DIAPH2: variants seen among roughly 807,000 people sequenced by gnomAD.
DIAPH2 encodes the protein protein diaphanous homolog 2.
In DIAPH2, 35 loss-of-function variants were observed where a neutral mutation model predicts 92.7. That is an observed-to-expected ratio of 0.38 (90% CI 0.29 to 0.50). The LOEUF (loss-of-function observed/expected upper bound fraction) is 0.50, where lower values mean the gene tolerates loss of function less well. Among genes scored for constraint, DIAPH2 ranks in the 20% least tolerant of loss-of-function variants. The pLI, the probability that DIAPH2 is intolerant of heterozygous loss-of-function variation, is 0.94. For synonymous variants in DIAPH2, 301 were observed against 280.4 expected (o/e 1.07, Z -0.73); for missense variants, 701 against 819.5 (o/e 0.86, Z 1.77).
At chrX:96,714,245 T>C (rs185107876) in intron 1 of DIAPH2, among the ~76,000 whole-genome samples, 385 of 109,401 alleles carry the variant, frequency 3.5e-3, no homozygotes, top group Non-Finnish European at 6.2e-3. Flanking sequence ...TTATAGCACG[T>C]ATCATAAGTT....
chrX:97,084,509 T>C (rs1466608738), intron 19 of DIAPH2, among the ~76,000 whole-genome samples: 2 of 111,412 alleles, frequency 1.8e-5, no homozygotes, highest in Non-Finnish European at 3.8e-5. Flanking sequence ...TCCTGGGGCT[T>C]CTTCCTTTCT....
chrX:97,259,430 A>G (rs1005533755), intron 23 of DIAPH2, among the ~76,000 whole-genome samples: 4 of 112,189 alleles, frequency 3.6e-5, no homozygotes, highest in Non-Finnish European at 7.5e-5. Flanking sequence ...CAAATTCTAA[A>G]TAATTAATAA....
intron 22 of DIAPH2, among the ~76,000 whole-genome samples, chrX:97,245,232 A>G (rs1329630061): frequency 2.7e-5 from 3 of 110,815 alleles, no homozygotes; most frequent in Non-Finnish European, 3.8e-5. Flanking sequence ...TCGAGCTCCC[A>G]GGCTCAAGCG....
At chrX:96,749,145 A>AAAAT (rs1252042191) in intron 3 of DIAPH2, among the ~76,000 whole-genome samples, 5 of 79,825 alleles carry the variant, frequency 6.3e-5, no homozygotes, top group African/African-American at 2.1e-4. Flanking sequence ...AAAAAAAAAA[A>AAAAT]ATATATATAT....
intron 17 of DIAPH2, among the ~76,000 whole-genome samples, chrX:96,972,569 C>T (rs1233534329): frequency 9.0e-6 from 1 of 110,797 alleles, no homozygotes; most frequent in African/African-American, 3.3e-5. Flanking sequence ...TGTCCAGGCA[C>T]CAGGGAACTC....
At chrX:97,114,490 T>C (rs2067003899) in intron 20 of DIAPH2, among the ~76,000 whole-genome samples, 1 of 112,382 alleles carries the variant, frequency 8.9e-6, no homozygotes, top group Non-Finnish European at 1.9e-5. Context: ...TCTATAATAT[T>C]TTATTAATGC....
intron 26 of DIAPH2, chrX:97,469,879 T>C (rs1336759869): frequency 4.8e-6 from 5 of 1,043,123 alleles, no homozygotes; most frequent in East Asian, 3.4e-5. Context: ...CCTAAGGCTT[T>C]CTGATAAAAT....
At chrX:97,163,240 G>T (rs1452550990) in intron 22 of DIAPH2, among the ~76,000 whole-genome samples, 3 of 110,947 alleles carry the variant, frequency 2.7e-5, no homozygotes, top group Non-Finnish European at 5.7e-5. Context: ...TGCAATCATG[G>T]CTCACTGCAG....
intron 13 of DIAPH2, among the ~76,000 whole-genome samples, chrX:96,943,466 C>A (rs2065719106): frequency 9.0e-6 from 1 of 110,938 alleles, no homozygotes; most frequent in Non-Finnish European, 1.9e-5. Flanking sequence ...AGCCTCATTG[C>A]ATATTTTTCA....
chrX:97,411,634 C>T (rs1041786011), intron 25 of DIAPH2, among the ~76,000 whole-genome samples: 1 of 111,989 alleles, frequency 8.9e-6, no homozygotes, highest in African/African-American at 3.2e-5. Flanking sequence ...CAAGACCCAT[C>T]AGTGTGCTAT....
At chrX:97,202,136 C>T (rs1334376467) in intron 22 of DIAPH2, among the ~76,000 whole-genome samples, 1 of 111,720 alleles carries the variant, frequency 9.0e-6, no homozygotes, top group Admixed American at 9.5e-5. Context: ...ACCATCAGGC[C>T]TGCTTTTCAA....
chrX:96,812,072 T>G (rs1263836576), intron 4 of DIAPH2, among the ~76,000 whole-genome samples: 1 of 111,991 alleles, frequency 8.9e-6, no homozygotes, highest in Non-Finnish European at 1.9e-5. Flanking sequence ...TTTCTATTGA[T>G]TGGAATAGTT....
At chrX:97,309,418 A>G (rs972239726) in intron 23 of DIAPH2, among the ~76,000 whole-genome samples, 3 of 111,354 alleles carry the variant, frequency 2.7e-5, no homozygotes, top group Admixed American at 9.6e-5. Flanking sequence ...CATTTTTTAT[A>G]CCCAATTTTC....
At chrX:96,723,103 C>G (rs944341967) in intron 1 of DIAPH2, among the ~76,000 whole-genome samples, 1 of 111,487 alleles carries the variant, frequency 9.0e-6, no homozygotes, top group African/African-American at 3.3e-5. Flanking sequence ...GTTTAAAGCT[C>G]AAGTAGGTGG....
chrX:97,377,820 T>A (rs933738498), intron 24 of DIAPH2, among the ~76,000 whole-genome samples: 2 of 111,586 alleles, frequency 1.8e-5, no homozygotes, highest in Non-Finnish European at 3.8e-5. Flanking sequence ...AAAAAAATCT[T>A]ATCAAGATGC....
chrX:97,332,078 A>C, intron 23 of DIAPH2, among the ~76,000 whole-genome samples: 1 of 111,825 alleles, frequency 8.9e-6, no homozygotes. Context: ...TGCAAAATAT[A>C]TTCATTCTAG....
intron 26 of DIAPH2, among the ~76,000 whole-genome samples, chrX:97,551,481 T>C (rs1261596701): frequency 9.2e-6 from 1 of 108,657 alleles, no homozygotes; most frequent in East Asian, 2.9e-4. Context: ...ACCCAGCTAC[T>C]CGGGAGATTG....
intron 3 of DIAPH2, among the ~76,000 whole-genome samples, chrX:96,750,045 T>G (rs776792492): frequency 7.2e-4 from 77 of 107,593 alleles, no homozygotes; most frequent in Non-Finnish European, 1.3e-3. Flanking sequence ...TCATGCTATA[T>G]TTCAAGTTTT....
chrX:97,008,495 G>A (rs771166478), intron 17 of DIAPH2, among the ~76,000 whole-genome samples: 6 of 111,189 alleles, frequency 5.4e-5, no homozygotes, highest in Non-Finnish European at 7.5e-5. Flanking sequence ...TGGTGTCCGG[G>A]TGTTGATTAA....
Sources: allele counts gnomAD v4.1 joint callset (sites outside exome capture counted in the v4.1 genomes callset), GRCh38; gene constraint gnomAD v4.1.1; transcripts MANE v1.5; gene names NCBI Gene and HGNC (gene_info 2026-07-23, HGNC 2026-07-21).